CCSER1: variants seen among roughly 807,000 people sequenced by gnomAD.
The protein encoded by CCSER1 is serine-rich coiled-coil domain-containing protein 1.
In CCSER1, 41 loss-of-function variants were observed where a neutral mutation model predicts 82.0. The ratio of observed to expected loss-of-function variants is 0.50; its 90% confidence interval spans 0.39 to 0.65. The LOEUF (loss-of-function observed/expected upper bound fraction) is 0.65. Ranked by LOEUF, CCSER1 falls within the 30% of genes least tolerant of loss-of-function variation. The probability of loss-of-function intolerance (pLI) is 0.00; values close to 1 mark genes in which losing one functional copy is unlikely to be tolerated. For synonymous variants in CCSER1, 414 were observed against 383.9 expected (o/e 1.08, Z -0.92); for missense variants, 1,119 against 1,064.2 (o/e 1.05, Z -0.72).
intron 6 of CCSER1, among the ~76,000 whole-genome samples, chr4:90,695,481 C>G (rs1473069146): frequency 6.6e-6 from 1 of 151,930 alleles, no homozygotes; most frequent in East Asian, 1.9e-4. Context: ...TTACTTTACT[C>G]TTTGGGTAGA....
At chr4:90,194,358 C>G (rs1011455770) in intron 1 of CCSER1, among the ~76,000 whole-genome samples, 1 of 151,994 alleles carries the variant, frequency 6.6e-6, no homozygotes, top group African/African-American at 2.4e-5. Context: ...AAAGCATGCT[C>G]AGTAACTGGC....
At chr4:91,110,176 AT>A (rs1469637378) in intron 10 of CCSER1, among the ~76,000 whole-genome samples, 3 of 152,004 alleles carry the variant, frequency 2.0e-5, no homozygotes, top group Non-Finnish European at 4.4e-5. Flanking sequence ...TTTACTTTAT[AT>A]TCTAGAAAAA....
chr4:90,156,490 A>T (rs1311723308), intron 1 of CCSER1, among the ~76,000 whole-genome samples: 1 of 152,176 alleles, frequency 6.6e-6, no homozygotes, highest in Non-Finnish European at 1.5e-5. Flanking sequence ...GTCTCCCATT[A>T]TTAATGTTTG....
intron 5 of CCSER1, among the ~76,000 whole-genome samples, chr4:90,525,641 CT>C (rs1224551623): frequency 1.3e-5 from 2 of 151,894 alleles, no homozygotes; most frequent in Non-Finnish European, 2.9e-5. Context: ...TATTTTCAGA[CT>C]TTTTTTGTTC....
At chr4:90,223,775 A>G (rs1742618662) in intron 1 of CCSER1, among the ~76,000 whole-genome samples, 1 of 152,252 alleles carries the variant, frequency 6.6e-6, no homozygotes, top group South Asian at 2.1e-4. Context: ...TGCATTGAAT[A>G]TGACATGGGT....
chr4:90,620,447 T>C (rs940625490), intron 5 of CCSER1, among the ~76,000 whole-genome samples: 2 of 152,144 alleles, frequency 1.3e-5, no homozygotes, highest in Admixed American at 1.3e-4. Context: ...ATTAGTCTAT[T>C]TATATGAGTA....
chr4:90,213,518 A>T (rs1282947007), intron 1 of CCSER1, among the ~76,000 whole-genome samples: 1 of 152,184 alleles, frequency 6.6e-6, no homozygotes, highest in Non-Finnish European at 1.5e-5. Context: ...ACGTGGAACT[A>T]GGTGAGATCA....
At position 91,024,426 on chromosome 4, in the gene CCSER1, A is replaced by AT. The variant is rs200771732; in HGVS notation, c.2173-61516dup. Among the ~76,000 whole-genome samples, 1,394 of 149,848 alleles carry AT rather than the reference A, an allele frequency of 9.3e-3. 13 individuals carry two copies. The highest frequency in any genetic ancestry group is 0.014 in the Non-Finnish European group (983 of 67,946). ...CCAAAAAATGGTTTGTAATACATTT[A>AT]TTTTTTTTAAATTCTGAGAAAAACT... On this transcript the variant is annotated intron_variant, in intron 9 of 10. Transcript: ENST00000509176.
At chr4:91,371,618 G>A (rs1435227627) in intron 10 of CCSER1, among the ~76,000 whole-genome samples, 2 of 151,994 alleles carry the variant, frequency 1.3e-5, no homozygotes, top group Non-Finnish European at 2.9e-5. Context: ...AACTACTGTG[G>A]ATAGTGCTTC....
At chr4:91,035,077 A>G (rs1478479550) in intron 9 of CCSER1, among the ~76,000 whole-genome samples, 1 of 152,206 alleles carries the variant, frequency 6.6e-6, no homozygotes, top group Non-Finnish European at 1.5e-5. Context: ...GTATACTAAC[A>G]TAAGACTGAA....
chr4:90,276,036 T>A (rs1184007506), intron 1 of CCSER1, among the ~76,000 whole-genome samples: 1 of 152,154 alleles, frequency 6.6e-6, no homozygotes. Context: ...TACAATGTCT[T>A]AAACATAAGG....
At chr4:90,713,449 T>G (rs1227527488) in intron 6 of CCSER1, among the ~76,000 whole-genome samples, 1 of 152,124 alleles carries the variant, frequency 6.6e-6, no homozygotes, top group Non-Finnish European at 1.5e-5. Context: ...ATTTTTTTCC[T>G]TAAGGATGCT....
chr4:90,596,778 A>T (rs1173524332), intron 5 of CCSER1, among the ~76,000 whole-genome samples: 1 of 151,956 alleles, frequency 6.6e-6, no homozygotes, highest in Non-Finnish European at 1.5e-5. Context: ...AAATGATTAA[A>T]ATCAGTCATA....
chr4:91,242,482 C>A (rs917339339), intron 10 of CCSER1, among the ~76,000 whole-genome samples: 1 of 152,112 alleles, frequency 6.6e-6, no homozygotes, highest in African/African-American at 2.4e-5. Context: ...TTACATCTTT[C>A]ATAAAAATTA....
intron 6 of CCSER1, among the ~76,000 whole-genome samples, chr4:90,720,823 G>A (rs1029834930): frequency 2.6e-5 from 4 of 151,918 alleles, no homozygotes; most frequent in Admixed American, 6.6e-5. Context: ...TAGCAGTTAT[G>A]AGAAGATGTA....
chr4:90,182,352 T>C (rs914955310), intron 1 of CCSER1, among the ~76,000 whole-genome samples: 1 of 152,172 alleles, frequency 6.6e-6, no homozygotes, highest in African/African-American at 2.4e-5. Flanking sequence ...TGAATGGAAT[T>C]TTCTAGGAAG....
At chr4:90,830,878 G>A (rs1761036587) in intron 8 of CCSER1, among the ~76,000 whole-genome samples, 1 of 152,096 alleles carries the variant, frequency 6.6e-6, no homozygotes, top group Admixed American at 6.6e-5. Context: ...ATGCTGAGGA[G>A]TGAATCATAT....
At chr4:91,408,840 C>A (rs1057328069) in intron 10 of CCSER1, among the ~76,000 whole-genome samples, 13 of 152,136 alleles carry the variant, frequency 8.5e-5, no homozygotes, top group African/African-American at 3.1e-4. Context: ...TTTTTTAAAT[C>A]ATTGCTTTAA....
In CCSER1 at chr4:91,563,208, C is replaced by T. The variant is rs537789993; in HGVS notation, c.2218-35364C>T. ...CATTACCCTAATACTAAAGTCAGGC[C>T]GGGACACCACAAGAAAAGAAAATTA... On this transcript the variant is annotated intron_variant, in intron 10 of 10. Coordinates refer to ENST00000509176, the MANE Select transcript of CCSER1 (RefSeq NM_001145065.2). 1.1e-4 allele frequency among the ~76,000 whole-genome samples: 17 copies of T among 151,540 alleles called. 1 individual carries two copies. The highest frequency in any genetic ancestry group is 3.4e-3 in the Middle Eastern group (1 of 294).
Sources: allele counts gnomAD v4.1 joint callset (sites outside exome capture counted in the v4.1 genomes callset), GRCh38; gene constraint gnomAD v4.1.1; transcripts MANE v1.5; gene names NCBI Gene and HGNC (gene_info 2026-07-23, HGNC 2026-07-21).